MYO3B: variants seen among roughly 807,000 people sequenced by gnomAD.
MYO3B encodes myosin-IIIb.
MYO3B carries 156 observed loss-of-function variants against 174.6 expected under a neutral mutation model. The observed-to-expected ratio is 0.89, with a 90% CI of 0.78 to 1.02. MYO3B has a LOEUF of 1.02. MYO3B is among the 50% of genes least tolerant of loss of function. The pLI, the probability that MYO3B is intolerant of heterozygous loss-of-function variation, is 0.00. For missense variants in MYO3B, 1,632 were observed against 1,639.4 expected (o/e 1.00, Z 0.08); for synonymous variants, 563 against 569.1 (o/e 0.99, Z 0.15).
At chr2:170,623,460 A>C (rs1043455373) in intron 32 of MYO3B, among the ~76,000 whole-genome samples, 17 of 152,104 alleles carry the variant, frequency 1.1e-4, no homozygotes, top group African/African-American at 4.1e-4. Flanking sequence ...TTCTTTGTCG[A>C]TTCTGGATTT....
chr2:170,249,772 A>G (rs2093231394), intron 7 of MYO3B, among the ~76,000 whole-genome samples: 1 of 152,202 alleles, frequency 6.6e-6, no homozygotes, highest in South Asian at 2.1e-4. Flanking sequence ...GAATTCTGGA[A>G]AGCATTTTCA....
rs2094520875 is a variant in MYO3B, at chr2:170,407,855, A to T, written c.2650+11A>T. On this transcript the variant is annotated intron_variant, in intron 22 of 34. Coordinates refer to ENST00000408978, the MANE Select transcript of MYO3B (RefSeq NM_138995.5). ...CTCTGACCAAAACAGGTACTTGGGAACCCTCTGATAGCCCTGCTCTTAAAG... is the reference window on the plus strand; with the variant it reads ...CTCTGACCAAAACAGGTACTTGGGATCCCTCTGATAGCCCTGCTCTTAAAG... 1 of 1,613,642 alleles carries T rather than the reference A, an allele frequency of 6.2e-7. No individual in the cohort carries two copies. The highest frequency in any genetic ancestry group is 1.7e-5 in the Admixed American group (1 of 59,998).
intron 32 of MYO3B, among the ~76,000 whole-genome samples, chr2:170,635,395 A>G (rs1364583025): frequency 4.6e-5 from 7 of 151,650 alleles, no homozygotes; most frequent in Admixed American, 4.6e-4. Context: ...TCTCACTCAT[A>G]GGTGGGAATT....
At chr2:170,452,019 C>A (rs1683620679) in intron 23 of MYO3B, among the ~76,000 whole-genome samples, 1 of 152,176 alleles carries the variant, frequency 6.6e-6, no homozygotes, top group Non-Finnish European at 1.5e-5. Context: ...GGAGTCTCAT[C>A]TCTCAGTGGA....
intron 28 of MYO3B, among the ~76,000 whole-genome samples, chr2:170,505,107 A>T (rs1366804637): frequency 6.6e-6 from 1 of 152,172 alleles, no homozygotes; most frequent in Non-Finnish European, 1.5e-5. Context: ...CGGAAAAAAA[A>T]TACCCTGGGT....
rs1253997114 is a variant in MYO3B, at chr2:170,440,799, T to G, written c.2651-3168T>G. On this transcript the variant is annotated intron_variant, in intron 22 of 34. Coordinates refer to ENST00000408978, the MANE Select transcript of MYO3B (RefSeq NM_138995.5). ...CAACAAACTGATTTTTGGGTGTTGG[T>G]TTTTTTTTTTTTTTTTTTTTTTGAG... Among the ~76,000 whole-genome samples, 4 of 66,542 alleles carry G rather than the reference T, an allele frequency of 6.0e-5. 1 individual carries two copies. The highest frequency in any genetic ancestry group is 1.9e-4 in the African/African-American group (2 of 10,786). The allele number at this position is 66,542 out of a possible 152,430, so 43.7% of individuals were successfully genotyped here.
At chr2:170,582,898 T>A (rs1693241649) in intron 32 of MYO3B, among the ~76,000 whole-genome samples, 1 of 151,994 alleles carries the variant, frequency 6.6e-6, no homozygotes, top group South Asian at 2.1e-4. Flanking sequence ...GGTCAACAGA[T>A]CCTTTTCAGC....
At chr2:170,332,798 C>T (rs777347576) in intron 7 of MYO3B, among the ~76,000 whole-genome samples, 1 of 152,080 alleles carries the variant, frequency 6.6e-6, no homozygotes, top group Non-Finnish European at 1.5e-5. Flanking sequence ...CTAAACAATA[C>T]CCCTTTGCAT....
intron 22 of MYO3B, among the ~76,000 whole-genome samples, chr2:170,425,887 A>G (rs1197874230): frequency 6.6e-6 from 1 of 152,176 alleles, no homozygotes; most frequent in Non-Finnish European, 1.5e-5. Context: ...GTCTTTGTGG[A>G]CTGGTGACAT....
chr2:170,280,236 T>C (rs1178469372), intron 7 of MYO3B, among the ~76,000 whole-genome samples: 5 of 152,228 alleles, frequency 3.3e-5, no homozygotes, highest in Non-Finnish European at 5.9e-5. Flanking sequence ...TTTTTTCATA[T>C]GATTATTGGC....
At chr2:170,389,236 A>T (rs910199002) in intron 14 of MYO3B, among the ~76,000 whole-genome samples, 2 of 152,220 alleles carry the variant, frequency 1.3e-5, no homozygotes, top group Admixed American at 1.3e-4. Context: ...TGTTCATCTA[A>T]CTGTTGGGAT....
chr2:170,189,199 C>T (rs951294494), intron 1 of MYO3B, among the ~76,000 whole-genome samples: 1 of 152,064 alleles, frequency 6.6e-6, no homozygotes, highest in African/African-American at 2.4e-5. Context: ...CAGATGATGA[C>T]TGGAGCTCTT....
At chr2:170,558,885 C>A (rs145384545) in intron 32 of MYO3B, among the ~76,000 whole-genome samples, 13 of 152,232 alleles carry the variant, frequency 8.5e-5, no homozygotes, top group Non-Finnish European at 1.6e-4. Context: ...TTCCTCATCT[C>A]CAAAATAGGA....
chr2:170,204,219 C>T (rs6738892), intron 3 of MYO3B, among the ~76,000 whole-genome samples: 82,211 of 152,036 alleles, frequency 0.54, 22,266 homozygotes, highest in Admixed American at 0.61. Context: ...TACTGAGAGG[C>T]GGACAGTGTC....
chr2:170,253,384 G>A (rs115523725), intron 7 of MYO3B, among the ~76,000 whole-genome samples: 2,148 of 152,282 alleles, frequency 0.014, 28 homozygotes, highest in Non-Finnish European at 0.024. Context: ...AGTTGGAGAC[G>A]GTTGTGCAAG....
At chr2:170,371,158 C>G (rs2094241014) in intron 9 of MYO3B, among the ~76,000 whole-genome samples, 1 of 139,840 alleles carries the variant, frequency 7.2e-6, no homozygotes, top group East Asian at 2.2e-4. Flanking sequence ...GCGGAAGTTG[C>G]AGTGAGCTGA....
chr2:170,363,941 G>A (rs1181249490), intron 8 of MYO3B, among the ~76,000 whole-genome samples: 1 of 152,184 alleles, frequency 6.6e-6, no homozygotes, highest in Non-Finnish European at 1.5e-5. Flanking sequence ...AATTACTTAT[G>A]ATTTGGGGAA....
chr2:170,564,592 C>T (rs1028508895), intron 32 of MYO3B, among the ~76,000 whole-genome samples: 2 of 152,150 alleles, frequency 1.3e-5, no homozygotes, highest in African/African-American at 4.8e-5. Context: ...ATGGAAAAGA[C>T]ACACTTTGTT....
Position 170,297,309 on chromosome 2 carries a change from C to T in MYO3B, c.750-38076C>T, listed in dbSNP as rs534845111. 2.8e-4 allele frequency among the ~76,000 whole-genome samples: 41 copies of T among 146,308 alleles called. 1 individual carries two copies. Among genetic ancestry groups the T allele is most frequent in the Non-Finnish European group, 4.9e-4 (32 of 65,692 alleles). ...CATACCCGCTCCCAATGGCCACCCC[C>T]TCCCCCAATGACATGCACCCACAGA... is the stretch of plus-strand genomic sequence containing the variant. On this transcript the variant is annotated intron_variant, in intron 7 of 34. Transcript: ENST00000408978.
Sources: gnomAD v4.1 joint callset for allele counts (sites outside exome capture counted in the v4.1 genomes callset) on GRCh38, gnomAD v4.1.1 for gene constraint, MANE v1.5 for transcripts, NCBI Gene and HGNC (gene_info 2026-07-23, HGNC 2026-07-21) for gene names.